The following SH3BP4 variants were observed in gnomAD, a reference collection of about 807,000 sequenced individuals.
The protein encoded by SH3BP4 is SH3 domain-binding protein 4.
SH3BP4 carries 33 observed loss-of-function variants against 65.5 expected under a neutral mutation model. The ratio of observed to expected loss-of-function variants is 0.50; its 90% CI spans 0.38 to 0.67. The LOEUF is 0.67. Ranked by LOEUF, SH3BP4 falls within the 30% of genes least tolerant of loss-of-function variation. SH3BP4 has a pLI of 0.00. For synonymous variants in SH3BP4, 552 were observed against 545.5 expected (o/e 1.01, Z -0.17); for missense variants, 1,134 against 1,261.4 (o/e 0.90, Z 1.53).
At chr2:235,020,929 C>G (rs1694830427) in intron 2 of SH3BP4, among the ~76,000 whole-genome samples, 1 of 152,164 alleles carries the variant, frequency 6.6e-6, no homozygotes, top group Non-Finnish European at 1.5e-5. Context: ...CCCTCATAAT[C>G]TTGACACCAG....
Position 234,977,386 on chromosome 2 carries a change from C to T in SH3BP4, c.-206-17917C>T, listed in dbSNP as rs1217196525. 6.6e-6 allele frequency among the ~76,000 whole-genome samples: 1 copy of T among 152,240 alleles called. No homozygotes were observed. The highest frequency in any genetic ancestry group is 1.5e-5 in the Non-Finnish European group (1 of 68,046). ...CCAACAGCACATCCTTTGTTCTCTCCAGCCCAGACGTGTAGAGGTGAGCCA... is the reference window on the plus strand; with the variant it reads ...CCAACAGCACATCCTTTGTTCTCTCTAGCCCAGACGTGTAGAGGTGAGCCA... On this transcript the variant is annotated intron_variant, in intron 1 of 5. Transcript: ENST00000392011. This position sits in a 1 kb window ranked among gnomAD's most constrained non-coding sequence, Gnocchi z 5.1.
chr2:235,040,580 T>C (rs1487592695), intron 3 of SH3BP4, among the ~76,000 whole-genome samples: 1 of 151,472 alleles, frequency 6.6e-6, no homozygotes, highest in Non-Finnish European at 1.5e-5. Context: ...CAAAATGAGA[T>C]GTTTAGGGCG....
At chr2:235,004,050 G>C (rs1694215165) in intron 2 of SH3BP4, among the ~76,000 whole-genome samples, 1 of 152,156 alleles carries the variant, frequency 6.6e-6, no homozygotes, top group Admixed American at 6.5e-5. Context: ...AGTTTGCCAC[G>C]GCTTCCCCTG....
intron 4 of SH3BP4, among the ~76,000 whole-genome samples, chr2:235,049,897 T>TA: frequency 6.6e-6 from 1 of 151,984 alleles, no homozygotes; most frequent in East Asian, 2.0e-4. Context: ...TTCCTGTGCT[T>TA]ATCTGTAGAA....
chr2:235,016,581 C>T lies in SH3BP4; in HGVS notation c.-132-18290C>T, dbSNP rs901629182. On this transcript the variant is annotated intron_variant, in intron 2 of 5. Coordinates refer to ENST00000392011, the MANE Select transcript of SH3BP4 (RefSeq NM_014521.3). ...GGAGTACAGTGGCGTAATCTCGGCT[C>T]ACTGCAACCTCTGCCCTCGTGAGTT... Among the ~76,000 whole-genome samples, 3 of 152,136 alleles carry T rather than the reference C, an allele frequency of 2.0e-5. 1 individual carries two copies. The highest frequency in any genetic ancestry group is 2.0e-4 in the Admixed American group (3 of 15,274).
chr2:235,038,987 A>G (rs1349839974), intron 3 of SH3BP4, among the ~76,000 whole-genome samples: 1 of 152,152 alleles, frequency 6.6e-6, no homozygotes, highest in Non-Finnish European at 1.5e-5. Flanking sequence ...GGGTCAAGCA[A>G]TATTATGACA....
intron 2 of SH3BP4, among the ~76,000 whole-genome samples, chr2:235,029,678 G>A (rs1695115333): frequency 6.6e-6 from 1 of 152,226 alleles, no homozygotes; most frequent in Admixed American, 6.5e-5. Context: ...AGGAAAGATA[G>A]CATAATGAAC....
intron 1 of SH3BP4, among the ~76,000 whole-genome samples, chr2:234,973,732 C>T (rs534759529): frequency 7.1e-4 from 108 of 151,864 alleles, no homozygotes; most frequent in Non-Finnish European, 1.2e-3. Context: ...GACTTCTGGG[C>T]TCAAGGGATC....
chr2:235,029,244 C>G (rs952508336), intron 2 of SH3BP4, among the ~76,000 whole-genome samples: 5 of 152,244 alleles, frequency 3.3e-5, no homozygotes, highest in African/African-American at 9.6e-5. Context: ...GAGAGGGATG[C>G]TGGGCTTCTT....
rs1695637297 is a variant in SH3BP4 at position 235,041,396 on chromosome 2, C to A, written c.627C>A (p.Thr209=). 6.2e-7 allele frequency: 1 copy of A among 1,614,082 alleles called. No individual in the cohort carries two copies. Among genetic ancestry groups the A allele is most frequent in the East Asian group, 2.2e-5 (1 of 44,888 alleles). The change falls in exon 4 of 6, where the codon ACC becomes ACA. Residue 209 remains threonine, a synonymous_variant. Coordinates refer to ENST00000392011, the MANE Select transcript of SH3BP4 (RefSeq NM_014521.3). This position sits in a 1 kb window ranked among gnomAD's most constrained non-coding sequence, Gnocchi z 6.0. ...CCTTCACCGAATCCAGCTCAGCCACCACGAATAGCACTGGCAACATCTTCG... is the reference window on the plus strand; with the variant it reads ...CCTTCACCGAATCCAGCTCAGCCACAACGAATAGCACTGGCAACATCTTCG... The part of the protein sequence containing the change: ...TSSFTESSSA[T]TNSTGNIFDE...
chr2:235,011,900 G>A (rs1694520834), intron 2 of SH3BP4, among the ~76,000 whole-genome samples: 1 of 152,238 alleles, frequency 6.6e-6, no homozygotes, highest in African/African-American at 2.4e-5. Flanking sequence ...AGCGGTTGCT[G>A]CTGCATTCCA....
Position 235,054,118 on chromosome 2 carries a change from T to G in SH3BP4, c.*302T>G, listed in dbSNP as rs1025532154. The G allele has an allele frequency of 6.2e-6, 2 of 324,832 alleles. No homozygotes were observed. Among genetic ancestry groups the G allele is most frequent in the African/African-American group, 4.1e-5 (2 of 48,524 alleles). 20.1% of individuals were successfully genotyped at this position (324,832 alleles called of 1,614,324 possible). A position where few individuals can be genotyped will look rare whatever the true frequency, so the allele number is the denominator to read the frequency against. On this transcript the variant is annotated 3_prime_UTR_variant, in exon 6 of 6. Coordinates refer to ENST00000392011, the MANE Select transcript of SH3BP4 (RefSeq NM_014521.3). ...ATCTATGAGAAAGGTGGTATCTAATTTTTTTATGGACCATAAAGGTTTAAA... is the reference window on the plus strand; with the variant it reads ...ATCTATGAGAAAGGTGGTATCTAATGTTTTTATGGACCATAAAGGTTTAAA...
At chr2:235,009,904 G>A (rs947452494) in intron 2 of SH3BP4, among the ~76,000 whole-genome samples, 1 of 152,030 alleles carries the variant, frequency 6.6e-6, no homozygotes, top group African/African-American at 2.4e-5. Context: ...GTCACCCCCA[G>A]GACCTTCCTC....
intron 1 of SH3BP4, among the ~76,000 whole-genome samples, chr2:234,968,031 C>T (rs747722818): frequency 6.6e-5 from 10 of 152,186 alleles, no homozygotes; most frequent in Non-Finnish European, 1.5e-4. Flanking sequence ...CAGGTGAGGG[C>T]GACCACACCC....
At chr2:234,988,379 G>A (rs987800265) in intron 1 of SH3BP4, among the ~76,000 whole-genome samples, 1 of 152,168 alleles carries the variant, frequency 6.6e-6, no homozygotes, top group Non-Finnish European at 1.5e-5. Context: ...GTTTTTAAGT[G>A]ATTCACCTTT....
At chr2:234,987,326 G>GA (rs80291215) in intron 1 of SH3BP4, among the ~76,000 whole-genome samples, 24,121 of 138,938 alleles carry the variant, frequency 0.17, 2,219 homozygotes, top group Non-Finnish European at 0.23. Flanking sequence ...ATATTTCAAA[G>GA]AAAAAAAAAA....
intron 2 of SH3BP4, among the ~76,000 whole-genome samples, chr2:235,023,064 A>C (rs186205776): frequency 1.3e-5 from 2 of 152,290 alleles, no homozygotes; most frequent in African/African-American, 4.8e-5. Flanking sequence ...ACTTTCCCCA[A>C]ATCACAGAGC....
At position 234,952,136 on chromosome 2, in the gene SH3BP4, G is replaced by A. The variant is rs1692483500; in HGVS notation, c.-241G>A. 6.7e-6 allele frequency: 1 copy of A among 149,174 alleles called. No individual in the cohort carries two copies. The highest frequency in any genetic ancestry group is 1.5e-5 in the Non-Finnish European group (1 of 66,640). The allele number at this position is 149,174 out of a possible 1,614,324, so 9.2% of individuals were successfully genotyped here. A position where few individuals can be genotyped will look rare whatever the true frequency, so the allele number is the denominator to read the frequency against. ...GCCGAGCCGCTGGCCGACGAGCGGA[G>A]CCTCAGGAGCCGGCGGGGACGCCAT... On this transcript the variant is annotated 5_prime_UTR_variant, in exon 1 of 6. Transcript: ENST00000392011. This position sits in a 1 kb window ranked among gnomAD's most constrained non-coding sequence, Gnocchi z 6.5.
At chr2:235,024,802 A>AT (rs901038252) in intron 2 of SH3BP4, among the ~76,000 whole-genome samples, 6 of 151,794 alleles carry the variant, frequency 4.0e-5, no homozygotes, top group African/African-American at 9.7e-5. Flanking sequence ...ATAACAGTTG[A>AT]TTTTTTTTTA....
Sources: gnomAD v4.1 joint callset for allele counts (sites outside exome capture counted in the v4.1 genomes callset) on GRCh38, gnomAD v4.1.1 for gene constraint, Gnocchi (gnomAD v3.1) non-coding constraint, MANE v1.5 for transcripts, NCBI Gene and HGNC (gene_info 2026-07-23, HGNC 2026-07-21) for gene names.